Variants in RBBP4 observed in about 807,000 individuals in gnomAD.
RBBP4 encodes RB binding protein 4, chromatin remodeling factor.
A neutral mutation model predicts 57.2 loss-of-function variants in RBBP4; 3 were observed. That is an observed-to-expected ratio of 0.05 (90% CI 0.02 to 0.14). RBBP4 has a LOEUF of 0.14. Among genes scored for constraint, RBBP4 ranks in the 10% least tolerant of loss-of-function variants. RBBP4 has a pLI of 1.00. For synonymous variants in RBBP4, 151 were observed against 171.5 expected (o/e 0.88, Z 0.93); for missense variants, 107 against 520.6 (o/e 0.21, Z 7.73).
intron 3 of RBBP4, among the ~76,000 whole-genome samples, chr1:32,661,870 CTTTTTTTTTTTTTTTT>C (rs71006354): frequency 2.8e-4 from 14 of 49,288 alleles, no homozygotes; most frequent in Admixed American, 1.3e-3. Context: ...CCTTTGCCCA[CTTTTTTTTTTTTTTTT>C]TTTTTTTTTT....
At chr1:32,667,519 G>T (rs543919019) in intron 3 of RBBP4, among the ~76,000 whole-genome samples, 4 of 152,044 alleles carry the variant, frequency 2.6e-5, no homozygotes, top group African/African-American at 9.7e-5. Flanking sequence ...CGGTCTCTGC[G>T]TCTTGGTGGT....
chr1:32,651,787 G>A, intron 1 of RBBP4, 127 bp from the exon 2 acceptor site: 1 of 1,147,094 alleles, frequency 8.7e-7, no homozygotes, highest in Non-Finnish European at 1.2e-6. Flanking sequence ...GGATGCCTCT[G>A]CCGTGGGGAT....
At chr1:32,677,140 C>A (rs1354298551) in intron 11 of RBBP4, among the ~76,000 whole-genome samples, 6 of 152,070 alleles carry the variant, frequency 3.9e-5, no homozygotes, top group African/African-American at 1.2e-4. Context: ...CTTTGTCGTT[C>A]CTAGTGATCC....
In RBBP4 at chr1:32,653,637, G is replaced by GTTTTTTTTGTTTTTTTTTT. The variant is rs1557849770; in HGVS notation, c.164+1584_164+1585insGTTTTTTTTTTTTTTTTTT. On this transcript the variant is annotated intron_variant, in intron 2 of 11. Transcript: ENST00000373493. ...TGCTTTGTGTGTTTTTTGTTTTCTG[G>GTTTTTTTTGTTTTTTTTTT]TTTTTTTTTTTTTTTTTTTTTTGTT... Among the ~76,000 whole-genome samples the GTTTTTTTTGTTTTTTTTTT allele has an allele frequency of 6.3e-4, 13 of 20,782 alleles. 3 individuals carry two copies. Among genetic ancestry groups the GTTTTTTTTGTTTTTTTTTT allele is most frequent in the Non-Finnish European group, 1.2e-3 (7 of 5,732 alleles). 13.6% of individuals were successfully genotyped at this position (20,782 alleles called of 152,430 possible).
Position 32,669,398 on chromosome 1 carries a change from G to A in RBBP4, c.888+41G>A. On this transcript the variant is annotated intron_variant, in intron 7 of 11. Transcript: ENST00000373493. The surrounding 1 kb of genome is among the most constrained non-coding windows in gnomAD (Gnocchi z 4.9). ...TTTAATAGAAAACATAATTTCTCTA[G>A]GTTTTTTTGAATTGCAGAGATATTT... 3 of 1,571,990 alleles carry A rather than the reference G, an allele frequency of 1.9e-6. No homozygotes were observed. Among genetic ancestry groups the A allele is most frequent in the South Asian group, 1.2e-5 (1 of 83,486 alleles).
chr1:32,657,394 A>G, intron 2 of RBBP4, 33 bp from the exon 3 acceptor site: 5 of 1,596,472 alleles, frequency 3.1e-6, no homozygotes, highest in Non-Finnish European at 4.3e-6. Context: ...TGATGTTACT[A>G]ATTTGAACAG....
In RBBP4 at chr1:32,669,601, G is replaced by A. The variant is rs192534491; in HGVS notation, c.966+38G>A. On this transcript the variant is annotated intron_variant, in intron 8 of 11. Coordinates refer to ENST00000373493, the MANE Select transcript of RBBP4 (RefSeq NM_005610.3). This position sits in a 1 kb window ranked among gnomAD's most constrained non-coding sequence, Gnocchi z 4.9. The stretch of plus-strand genomic sequence containing the variant: ...AATGCTACTATTTTGTTTGTTTTAA[G>A]AAAAACCTGCTGGGCGCGGTCGCTC... 2.5e-4 allele frequency: 396 copies of A among 1,578,364 alleles called. 1 individual carries two copies. Among genetic ancestry groups the A allele is most frequent in the African/African-American group, 1.7e-3 (124 of 72,854 alleles).
chr1:32,680,664 A>T lies in RBBP4; in HGVS notation c.*959A>T. 1.1e-6 allele frequency: 1 copy of T among 952,072 alleles called. No homozygotes were observed. The highest frequency in any genetic ancestry group is 2.7e-5 in the East Asian group (1 of 37,104). The allele number at this position is 952,072 out of a possible 1,614,324, so 59.0% of individuals were successfully genotyped here. ...TGCTTTTCTACATAACCCCATGCTG[A>T]TGGGTTTTATTTAGTATAAAACATC... is the stretch of plus-strand genomic sequence containing the variant. On this transcript the variant is annotated 3_prime_UTR_variant, in exon 12 of 12. Transcript: ENST00000373493.
intron 8 of RBBP4, among the ~76,000 whole-genome samples, chr1:32,670,533 T>C (rs1338272767): frequency 2.0e-5 from 3 of 151,862 alleles, no homozygotes; most frequent in Non-Finnish European, 4.4e-5. Flanking sequence ...TTACGTTATG[T>C]AGCCTTTGCT....
At chr1:32,652,939 ATTATAG>A (rs1194618900) in intron 2 of RBBP4, among the ~76,000 whole-genome samples, 3 of 152,202 alleles carry the variant, frequency 2.0e-5, no homozygotes, top group African/African-American at 4.8e-5. Context: ...TAAACTAATA[ATTATAG>A]TTATATATGG....
rs1212576699 is a variant in RBBP4 at position 32,685,582 on chromosome 1, T to G, written c.*5877T>G. 6.6e-6 allele frequency: 1 copy of G among 152,246 alleles called. No individual in the cohort carries two copies. The highest frequency in any genetic ancestry group is 1.5e-5 in the Non-Finnish European group (1 of 68,048). The allele number at this position is 152,246 out of a possible 1,614,324, so 9.4% of individuals were successfully genotyped here. A position where few individuals can be genotyped will look rare whatever the true frequency, so the allele number is the denominator to read the frequency against. On this transcript the variant is annotated 3_prime_UTR_variant, in exon 12 of 12. Coordinates refer to ENST00000373493, the MANE Select transcript of RBBP4 (RefSeq NM_005610.3). ...CTGTGGCACATCAATCCGCACTGTTTGATACTCTGGCTGAATCTCAGCTTT... is the reference window on the plus strand; with the variant it reads ...CTGTGGCACATCAATCCGCACTGTTGGATACTCTGGCTGAATCTCAGCTTT...
intron 2 of RBBP4, among the ~76,000 whole-genome samples, chr1:32,653,637 G>GTTTTTTTTTTTT (rs1053666893): frequency 1.4e-4 from 3 of 20,774 alleles, no homozygotes; most frequent in Non-Finnish European, 3.5e-4. Flanking sequence ...TTGTTTTCTG[G>GTTTTTTTTTTTT]TTTTTTTTTT....
intron 3 of RBBP4, among the ~76,000 whole-genome samples, chr1:32,657,984 C>A (rs1327080582): frequency 6.6e-6 from 1 of 152,118 alleles, no homozygotes; most frequent in Non-Finnish European, 1.5e-5. Flanking sequence ...TCCTGAGTAG[C>A]TGGGATTACA....
intron 3 of RBBP4, among the ~76,000 whole-genome samples, chr1:32,662,084 CT>C (rs1648443941): frequency 1.3e-5 from 2 of 150,792 alleles, no homozygotes; most frequent in South Asian, 4.2e-4. Flanking sequence ...TGAGGTTTTA[CT>C]ATGTTGGCCA....
chr1:32,675,820 G>A (rs1171941542), intron 11 of RBBP4, among the ~76,000 whole-genome samples: 1 of 152,242 alleles, frequency 6.6e-6, no homozygotes, highest in East Asian at 1.9e-4. Flanking sequence ...GCTGTGCTCA[G>A]TGGCTCACAC....
rs888939991 is a variant in RBBP4 at position 32,685,120 on chromosome 1, G to C, written c.*5415G>C. On this transcript the variant is annotated 3_prime_UTR_variant, in exon 12 of 12. Coordinates refer to ENST00000373493, the MANE Select transcript of RBBP4 (RefSeq NM_005610.3). Reference sequence around the variant, plus strand: ...CCGCCTCGGTCTCCCAAAGTGCTGGGATTACAGGTGTGAGCCACTGTGCCC... The same window carrying C: ...CCGCCTCGGTCTCCCAAAGTGCTGGCATTACAGGTGTGAGCCACTGTGCCC... 1 of 152,286 alleles carries C rather than the reference G, an allele frequency of 6.6e-6. No individual in the cohort carries two copies. Among genetic ancestry groups the C allele is most frequent in the Non-Finnish European group, 1.5e-5 (1 of 68,102 alleles). The allele number at this position is 152,286 out of a possible 1,614,324, so 9.4% of individuals were successfully genotyped here.
At chr1:32,668,439 A>T (rs1557857416) in intron 4 of RBBP4, 41 bp downstream of exon 4, 1 of 1,512,730 alleles carries the variant, frequency 6.6e-7, no homozygotes, top group Admixed American at 1.8e-5. Flanking sequence ...GAGTCACTAT[A>T]GAAATACATG....
At chr1:32,671,215 T>C (rs1380455045) in intron 8 of RBBP4, among the ~76,000 whole-genome samples, 4 of 152,208 alleles carry the variant, frequency 2.6e-5, no homozygotes, top group South Asian at 4.1e-4. Flanking sequence ...AGTTATTGTA[T>C]ATGTCATCTG....
Position 32,651,258 on chromosome 1 carries a change from C to A in RBBP4, c.-49C>A. On this transcript the variant is annotated 5_prime_UTR_variant, in exon 1 of 12. Coordinates refer to ENST00000373493, the MANE Select transcript of RBBP4 (RefSeq NM_005610.3). Reference sequence around the variant, plus strand: ...GAGCGAGCTCTTGCAGCCTCCCCGCCCCTCCCGCAACGCTCGACCCCAGGA... The same window carrying A: ...GAGCGAGCTCTTGCAGCCTCCCCGCACCTCCCGCAACGCTCGACCCCAGGA... The A allele has an allele frequency of 2.7e-6, 4 of 1,508,086 alleles. No individual in the cohort carries two copies. Among genetic ancestry groups the A allele is most frequent in the Middle Eastern group, 2.2e-4 (1 of 4,462 alleles). 93.4% of individuals were successfully genotyped at this position (1,508,086 alleles called of 1,614,324 possible).
Sources: gnomAD v4.1 joint callset for allele counts (sites outside exome capture counted in the v4.1 genomes callset) on GRCh38, gnomAD v4.1.1 for gene constraint, Gnocchi (gnomAD v3.1) non-coding constraint, MANE v1.5 for transcripts, NCBI Gene and HGNC (gene_info 2026-07-23, HGNC 2026-07-21) for gene names.